Variants in ZMAT3 observed in about 807,000 individuals in gnomAD.
The protein encoded by ZMAT3 is zinc finger matrin-type protein 3.
In ZMAT3, 17 loss-of-function variants were observed where a neutral mutation model predicts 32.3. The ratio of observed to expected loss-of-function variants is 0.53; its 90% CI spans 0.36 to 0.79. The LOEUF (loss-of-function observed/expected upper bound fraction) is 0.79, where lower values mean the gene tolerates loss of function less well. Ranked by LOEUF, ZMAT3 falls within the 30% of genes least tolerant of loss-of-function variation. The probability of loss-of-function intolerance (pLI) is 0.00; values close to 1 mark genes in which losing one functional copy is unlikely to be tolerated. For synonymous variants in ZMAT3, 120 were observed against 133.1 expected, an observed-to-expected ratio of 0.90 and a Z score of 0.68; for missense variants, 329 against 359.7, an observed-to-expected ratio of 0.91 and a Z score of 0.69.
At position 179,031,095 on chromosome 3, in the gene ZMAT3, A is replaced by T. The variant is rs181387442; in HGVS notation, c.271-96T>A. 818 of 1,055,188 alleles carry T rather than the reference A, an allele frequency of 7.8e-4. 7 individuals are homozygous for T. The African/African-American group carries it at 0.012, about 15-fold the overall frequency. The allele number at this position is 1,055,188 out of a possible 1,614,324, so 65.4% of individuals were successfully genotyped here. On this transcript the variant is annotated intron_variant, in intron 2 of 5. Coordinates refer to ENST00000311417, the MANE Select transcript of ZMAT3 (RefSeq NM_022470.4). ...GGTCAACTGTGGTCCAAAAATATTA[A>T]GATATTTTGAGAGAGAGACCACATT...
At chr3:179,051,577 A>G (rs1349772157) in intron 2 of ZMAT3, among the ~76,000 whole-genome samples, 1 of 152,154 alleles carries the variant, frequency 6.6e-6, no homozygotes, top group Non-Finnish European at 1.5e-5. Context: ...ACCACACTGC[A>G]AAAAGCAATC....
intron 2 of ZMAT3, among the ~76,000 whole-genome samples, chr3:179,036,378 C>T (rs1719588824): frequency 1.3e-5 from 2 of 152,116 alleles, no homozygotes; most frequent in Admixed American, 6.5e-5. Context: ...TGAAGACAGA[C>T]TCTCAGGAAT....
chr3:179,028,558 T>C (rs1719007024), intron 3 of ZMAT3, among the ~76,000 whole-genome samples: 1 of 152,222 alleles, frequency 6.6e-6, no homozygotes, highest in East Asian at 1.9e-4. Flanking sequence ...TTCTGGGGTA[T>C]GCTCTGAAGA....
In ZMAT3 at chr3:179,028,621, C is replaced by A. The variant is rs1046625248; in HGVS notation, c.391-809G>T. On this transcript the variant is annotated intron_variant, in intron 3 of 5. Coordinates refer to ENST00000311417, the MANE Select transcript of ZMAT3 (RefSeq NM_022470.4). ...TGGAGCCCACTGAAAACAGCCCCCACTGGGGGTAGCTATTCAATTCTAGAG... is the reference window on the plus strand; with the variant it reads ...TGGAGCCCACTGAAAACAGCCCCCAATGGGGGTAGCTATTCAATTCTAGAG... 2.6e-5 allele frequency among the ~76,000 whole-genome samples: 4 copies of A among 152,238 alleles called. No individual in the cohort carries two copies. In the East Asian group the frequency reaches 7.7e-4, roughly 29 times the overall value.
At position 179,046,333 on chromosome 3, in the gene ZMAT3, A is replaced by AC. The variant is rs952197355; in HGVS notation, c.271-15335dup. Among the ~76,000 whole-genome samples the AC allele has an allele frequency of 2.6e-5, 4 of 152,210 alleles. No individual in the cohort carries two copies. Among genetic ancestry groups the AC allele is most frequent in the African/African-American group, 9.6e-5 (4 of 41,458 alleles). ...GATATTGCATCCACAACATAATGAT[A>AC]CTAATGGCAACTAAGAAAAGTATGC... On this transcript the variant is annotated intron_variant, in intron 2 of 5. Transcript: ENST00000311417. This position sits in a 1 kb window ranked among gnomAD's most constrained non-coding sequence, Gnocchi z 4.3.
At chr3:179,043,383 A>C (rs1342398478) in intron 2 of ZMAT3, among the ~76,000 whole-genome samples, 1 of 152,112 alleles carries the variant, frequency 6.6e-6, no homozygotes, top group Non-Finnish European at 1.5e-5. Flanking sequence ...AGACATATAG[A>C]CCAATGGAAA....
intron 2 of ZMAT3, among the ~76,000 whole-genome samples, chr3:179,058,613 G>A (rs1262628281): frequency 1.2e-4 from 18 of 152,160 alleles, no homozygotes; most frequent in South Asian, 4.1e-4. Flanking sequence ...AAAATTAGCC[G>A]GGGGTAGTGG....
intron 2 of ZMAT3, among the ~76,000 whole-genome samples, chr3:179,066,643 T>C (rs1721432671): frequency 1.3e-5 from 2 of 152,200 alleles, no homozygotes; most frequent in South Asian, 4.1e-4. Context: ...TCACTGGGTT[T>C]TGTCCTTGAT....
chr3:179,050,481 AC>A (rs1720496629), intron 2 of ZMAT3, among the ~76,000 whole-genome samples: 1 of 152,142 alleles, frequency 6.6e-6, no homozygotes, highest in African/African-American at 2.4e-5. Context: ...TTAAAAAGTT[AC>A]CAACAAAAAA....
At chr3:179,058,806 A>G (rs1721000360) in intron 2 of ZMAT3, among the ~76,000 whole-genome samples, 2 of 148,880 alleles carry the variant, frequency 1.3e-5, no homozygotes, top group South Asian at 4.3e-4. Flanking sequence ...AGAGTAGGGT[A>G]TGCAGTGGTC....
chr3:179,018,382 G>A lies in ZMAT3; in HGVS notation c.*6635C>T, dbSNP rs1481149692. On this transcript the variant is annotated 3_prime_UTR_variant, in exon 6 of 6. Coordinates refer to ENST00000311417, the MANE Select transcript of ZMAT3 (RefSeq NM_022470.4). Reference sequence around the variant, plus strand: ...CAGTGCAGCAAGATTTTTAGCAACTGCGTCGGGCTTAATTTGGAACTATGG... The same window carrying A: ...CAGTGCAGCAAGATTTTTAGCAACTACGTCGGGCTTAATTTGGAACTATGG... 1.3e-5 allele frequency: 2 copies of A among 152,036 alleles called. No homozygotes were observed. Among genetic ancestry groups the A allele is most frequent in the Admixed American group, 6.6e-5 (1 of 15,260 alleles). The allele number at this position is 152,036 out of a possible 1,614,324, so 9.4% of individuals were successfully genotyped here.
chr3:179,065,531 A>G (rs1419450269), intron 2 of ZMAT3, among the ~76,000 whole-genome samples: 1 of 152,242 alleles, frequency 6.6e-6, no homozygotes, highest in Non-Finnish European at 1.5e-5. Context: ...CATGAAGTCA[A>G]AAAGTTTTAT....
At chr3:179,054,002 T>C (rs1472592582) in intron 2 of ZMAT3, among the ~76,000 whole-genome samples, 2 of 152,252 alleles carry the variant, frequency 1.3e-5, no homozygotes, top group Non-Finnish European at 2.9e-5. Context: ...TTGACAACTA[T>C]ACTGTAGTTA....
At chr3:179,037,488 T>A (rs1719662891) in intron 2 of ZMAT3, among the ~76,000 whole-genome samples, 1 of 151,902 alleles carries the variant, frequency 6.6e-6, no homozygotes, top group Non-Finnish European at 1.5e-5. Context: ...GGGCGCAGGA[T>A]CCAGGCCAAG....
chr3:179,054,870 A>G (rs562196458), intron 2 of ZMAT3, among the ~76,000 whole-genome samples: 11 of 152,296 alleles, frequency 7.2e-5, no homozygotes, highest in Non-Finnish European at 1.6e-4. Flanking sequence ...CCACACGGCT[A>G]AGTGCCCGGG....
Position 179,020,347 on chromosome 3 carries a change from G to A in ZMAT3, c.*4670C>T, listed in dbSNP as rs916837360. The A allele has an allele frequency of 2.0e-5, 3 of 152,130 alleles. No individual in the cohort carries two copies. Among genetic ancestry groups the A allele is most frequent in the Admixed American group, 1.3e-4 (2 of 15,270 alleles). 9.4% of individuals were successfully genotyped at this position (152,130 alleles called of 1,614,324 possible). On this transcript the variant is annotated 3_prime_UTR_variant, in exon 6 of 6. Coordinates refer to ENST00000311417, the MANE Select transcript of ZMAT3 (RefSeq NM_022470.4). ...AAGTCAAACAGCTATCAGTAGAAGC[G>A]TTTTATGAGAAGCTATTTACACAGC... is the stretch of plus-strand genomic sequence containing the variant.
Position 179,023,302 on chromosome 3 carries a change from A to G in ZMAT3, c.*1715T>C, listed in dbSNP as rs1029477556. 5 of 152,248 alleles carry G rather than the reference A, an allele frequency of 3.3e-5. No homozygotes were observed. Among genetic ancestry groups the G allele is most frequent in the African/African-American group, 1.2e-4 (5 of 41,548 alleles). The allele number at this position is 152,248 out of a possible 1,614,324, so 9.4% of individuals were successfully genotyped here. On this transcript the variant is annotated 3_prime_UTR_variant, in exon 6 of 6. Transcript: ENST00000311417. Reference sequence around the variant, plus strand: ...TTAAACGCAAAAAAACAAAAATAATAATACTGATATAATTATCAGATGCCA... The same window carrying G: ...TTAAACGCAAAAAAACAAAAATAATGATACTGATATAATTATCAGATGCCA...
chr3:179,025,346 G>C, intron 5 of ZMAT3, 118 bp from the exon 6 acceptor site: 1 of 855,674 alleles, frequency 1.2e-6, no homozygotes, highest in Admixed American at 2.6e-5. Flanking sequence ...CAGATTCTTA[G>C]CTTTAAGTGA....
intron 2 of ZMAT3, among the ~76,000 whole-genome samples, chr3:179,054,529 AT>A (rs1236473837): frequency 6.6e-6 from 1 of 152,238 alleles, no homozygotes; most frequent in Non-Finnish European, 1.5e-5. Flanking sequence ...TACTGTAATT[AT>A]GTAAAATGTT....
Sources: allele counts gnomAD v4.1 joint callset (sites outside exome capture counted in the v4.1 genomes callset), GRCh38; gene constraint gnomAD v4.1.1; non-coding constraint Gnocchi (gnomAD v3.1); transcripts MANE v1.5; gene names NCBI Gene and HGNC (gene_info 2026-07-23, HGNC 2026-07-21).